The following LINGO2 variants were observed in gnomAD, a reference collection of about 807,000 sequenced individuals.
The protein encoded by LINGO2 is leucine-rich repeat and immunoglobulin-like domain-containing nogo receptor-interacting protein 2.
Under a neutral mutation model 30.6 loss-of-function variants are expected in LINGO2, and 14 were observed. That is an observed-to-expected ratio of 0.46 (90% CI 0.30 to 0.72). The LOEUF (loss-of-function observed/expected upper bound fraction) is 0.72. Ranked by LOEUF, LINGO2 falls within the 30% of genes least tolerant of loss-of-function variation. LINGO2 has a pLI of 0.07. For synonymous variants in LINGO2, 317 were observed against 288.5 expected (o/e 1.10, Z -1.00); for missense variants, 729 against 751.7 (o/e 0.97, Z 0.35).
the LINGO2 span, among the ~76,000 whole-genome samples, chr9:28,992,269 A>T: frequency 6.6e-6 from 1 of 152,108 alleles, no homozygotes; most frequent in East Asian, 1.9e-4. Flanking sequence ...GAGACAAAGA[A>T]GGCCATTACA....
At chr9:28,142,629 A>T (rs1827705903) in intron 4 of LINGO2, among the ~76,000 whole-genome samples, 1 of 152,224 alleles carries the variant, frequency 6.6e-6, no homozygotes, top group African/African-American at 2.4e-5. Context: ...AGAGAATCTC[A>T]GTGTATATTA....
At chr9:27,978,173 G>A (rs537330859) in intron 5 of LINGO2, among the ~76,000 whole-genome samples, 27 of 152,132 alleles carry the variant, frequency 1.8e-4, no homozygotes, top group Middle Eastern at 3.4e-3. Context: ...CAGCTTTGGC[G>A]CTGATCCTAT....
At chr9:28,804,784 C>T in the LINGO2 span, among the ~76,000 whole-genome samples, 50 of 152,190 alleles carry the variant, frequency 3.3e-4, no homozygotes, top group Admixed American at 2.4e-3. Flanking sequence ...CAGCTGGAAC[C>T]TCTTCCAACC....
chr9:27,951,436 A>C (rs1048421773), intron 5 of LINGO2, among the ~76,000 whole-genome samples: 23 of 152,282 alleles, frequency 1.5e-4, no homozygotes, highest in Middle Eastern at 3.4e-3. Context: ...GCTATAATAA[A>C]AATGCTCTTT....
chr9:28,902,782 A>T, the LINGO2 span, among the ~76,000 whole-genome samples: 1 of 152,150 alleles, frequency 6.6e-6, no homozygotes, highest in African/African-American at 2.4e-5. Flanking sequence ...CTGAACAAAA[A>T]ATGAGTCAAC....
the LINGO2 span, among the ~76,000 whole-genome samples, chr9:29,138,700 C>G: frequency 6.6e-6 from 1 of 152,220 alleles, no homozygotes; most frequent in African/African-American, 2.4e-5. Context: ...GCATCATTAC[C>G]TCCATTTTGC....
intron 4 of LINGO2, among the ~76,000 whole-genome samples, chr9:28,054,690 C>CA (rs1824837285): frequency 6.6e-6 from 1 of 152,028 alleles, no homozygotes; most frequent in Admixed American, 6.6e-5. Context: ...CCCTAATTCA[C>CA]AAAAAATTAT....
At chr9:28,652,753 C>T (rs1263030813) in intron 1 of LINGO2, among the ~76,000 whole-genome samples, 1 of 151,656 alleles carries the variant, frequency 6.6e-6, no homozygotes, top group Non-Finnish European at 1.5e-5. Flanking sequence ...AGATTAAAGG[C>T]ATCCATGTAT....
chr9:28,599,330 A>C (rs1311966715), intron 1 of LINGO2: 2 of 152,176 alleles, frequency 1.3e-5, no homozygotes, highest in Non-Finnish European at 2.9e-5. Flanking sequence ...GTTAGAGTAT[A>C]ATCTGTATGT....
chr9:29,161,856 T>G, the LINGO2 span, among the ~76,000 whole-genome samples: 1 of 152,116 alleles, frequency 6.6e-6, no homozygotes, highest in South Asian at 2.1e-4. Context: ...TATTGAAATG[T>G]TAATAATACT....
chr9:28,799,499 T>A, the LINGO2 span, among the ~76,000 whole-genome samples: 1 of 152,058 alleles, frequency 6.6e-6, no homozygotes, highest in Non-Finnish European at 1.5e-5. Context: ...TTTGAAAAGA[T>A]CAAGTTATCC....
chr9:28,597,051 T>A (rs1825219236), intron 1 of LINGO2, among the ~76,000 whole-genome samples: 1 of 152,202 alleles, frequency 6.6e-6, no homozygotes, highest in Non-Finnish European at 1.5e-5. Flanking sequence ...AAAGCAATGA[T>A]TCAATGATAA....
intron 2 of LINGO2, among the ~76,000 whole-genome samples, chr9:28,461,769 A>T (rs899547428): frequency 1.3e-5 from 2 of 152,180 alleles, no homozygotes; most frequent in Non-Finnish European, 1.5e-5. Flanking sequence ...TCCAAAGGCA[A>T]GTAGTAGTTC....
chr9:28,151,256 TA>T (rs775200436), intron 4 of LINGO2, among the ~76,000 whole-genome samples: 5 of 152,086 alleles, frequency 3.3e-5, no homozygotes, highest in Non-Finnish European at 7.4e-5. Flanking sequence ...TTCATTATAG[TA>T]AGAGATTGAT....
At chr9:28,424,487 A>G (rs1213696285) in intron 2 of LINGO2, among the ~76,000 whole-genome samples, 1 of 152,144 alleles carries the variant, frequency 6.6e-6, no homozygotes, top group Non-Finnish European at 1.5e-5. Context: ...CTAACAGCAC[A>G]TATATGATCA....
intron 1 of LINGO2, among the ~76,000 whole-genome samples, chr9:28,639,628 G>T (rs1269455267): frequency 1.3e-5 from 2 of 152,048 alleles, no homozygotes; most frequent in South Asian, 4.2e-4. Context: ...TTTTATCAGA[G>T]ACTAGGATTG....
chr9:28,707,675 C>T, the LINGO2 span, among the ~76,000 whole-genome samples: 6 of 152,020 alleles, frequency 3.9e-5, no homozygotes, highest in Non-Finnish European at 5.9e-5. Context: ...CTGTCACTCT[C>T]CCCAATCATG....
intron 4 of LINGO2, among the ~76,000 whole-genome samples, chr9:28,231,375 A>G (rs896886788): frequency 2.0e-5 from 3 of 152,000 alleles, no homozygotes; most frequent in Non-Finnish European, 4.4e-5. Context: ...TTAGAAAAAA[A>G]TTATTTTTTG....
At chr9:28,029,737 A>G (rs1823572225) in intron 4 of LINGO2, among the ~76,000 whole-genome samples, 3 of 152,222 alleles carry the variant, frequency 2.0e-5, no homozygotes, top group Admixed American at 2.0e-4. Context: ...TTAAGGATAA[A>G]TATCATAGGG....
Sources: gnomAD v4.1 joint callset for allele counts (sites outside exome capture counted in the v4.1 genomes callset) on GRCh38, gnomAD v4.1.1 for gene constraint, MANE v1.5 for transcripts, NCBI Gene and HGNC (gene_info 2026-07-23, HGNC 2026-07-21) for gene names.